The following DYM variants were observed in gnomAD, a reference collection of about 807,000 sequenced individuals.
DYM encodes the protein dymeclin.
In DYM, 78 loss-of-function variants were observed where a neutral mutation model predicts 93.1. The ratio of observed to expected loss-of-function variants is 0.84; its 90% CI spans 0.70 to 1.01. The LOEUF is 1.01. Among genes scored for constraint, DYM ranks in the 50% least tolerant of loss-of-function variants. The probability of loss-of-function intolerance (pLI) is 0.00; values close to 1 mark genes in which losing one functional copy is unlikely to be tolerated. For missense variants in DYM, 789 were observed against 845.0 expected (o/e 0.93, Z 0.82); for synonymous variants, 321 against 319.7 (o/e 1.00, Z -0.04).
intron 9 of DYM, among the ~76,000 whole-genome samples, chr18:49,284,053 G>A (rs1413026842): frequency 6.6e-6 from 1 of 152,072 alleles, no homozygotes. Context: ...AGATATTATG[G>A]AATCTACAGA....
intron 1 of DYM, among the ~76,000 whole-genome samples, chr18:49,441,317 TAATTATATATA>T (rs2081588800): frequency 6.2e-5 from 5 of 80,828 alleles, no homozygotes; most frequent in Non-Finnish European, 1.1e-4. Flanking sequence ...AATTAATATA[TAATTATATATA>T]ATATAATTAT....
intron 6 of DYM, among the ~76,000 whole-genome samples, chr18:49,348,087 T>G (rs1346010657): frequency 6.6e-6 from 1 of 152,132 alleles, no homozygotes; most frequent in Non-Finnish European, 1.5e-5. Context: ...GTGGAACACT[T>G]GGATAAAGAC....
At chr18:49,171,161 GA>G (rs1191842205) in intron 14 of DYM, among the ~76,000 whole-genome samples, 1 of 152,170 alleles carries the variant, frequency 6.6e-6, no homozygotes, top group Non-Finnish European at 1.5e-5. Flanking sequence ...AGGAAGTACA[GA>G]AAATAGGTGT....
At chr18:49,082,009 G>A (rs2078090886) in intron 17 of DYM, among the ~76,000 whole-genome samples, 1 of 152,214 alleles carries the variant, frequency 6.6e-6, no homozygotes, top group Non-Finnish European at 1.5e-5. Flanking sequence ...TCAGAGTTTT[G>A]GTTTCTAGCT....
chr18:49,457,467 A>G (rs2083081996), intron 1 of DYM, among the ~76,000 whole-genome samples: 1 of 152,222 alleles, frequency 6.6e-6, no homozygotes, highest in Non-Finnish European at 1.5e-5. Context: ...CATTTTACCA[A>G]AGCCTATACT....
At chr18:49,314,015 T>G (rs985197846) in intron 8 of DYM, among the ~76,000 whole-genome samples, 1 of 152,132 alleles carries the variant, frequency 6.6e-6, no homozygotes, top group African/African-American at 2.4e-5. Flanking sequence ...CCCAGCATTT[T>G]GGGAGGCCAA....
intron 14 of DYM, among the ~76,000 whole-genome samples, chr18:49,165,631 T>C (rs572271477): frequency 2.6e-5 from 4 of 152,228 alleles, no homozygotes; most frequent in Admixed American, 6.5e-5. Context: ...TTAGATGTTG[T>C]ACAAAACAAA....
chr18:49,400,650 T>C (rs2070707788), intron 2 of DYM, among the ~76,000 whole-genome samples: 1 of 152,200 alleles, frequency 6.6e-6, no homozygotes, highest in Admixed American at 6.5e-5. Flanking sequence ...AAGTGTTAGT[T>C]ATTTCTACAG....
chr18:49,195,355 A>C (rs1402654848), intron 14 of DYM, among the ~76,000 whole-genome samples: 21 of 152,366 alleles, frequency 1.4e-4, no homozygotes, highest in Admixed American at 1.2e-3. Context: ...AATCAAAGTA[A>C]TTAGGATAGC....
intron 14 of DYM, among the ~76,000 whole-genome samples, chr18:49,183,235 T>G (rs2090099566): frequency 6.6e-6 from 1 of 152,242 alleles, no homozygotes; most frequent in South Asian, 2.1e-4. Context: ...ACTAGTCTCT[T>G]ATTGTAGATT....
At chr18:49,440,213 T>A (rs1413301472) in intron 1 of DYM, among the ~76,000 whole-genome samples, 2 of 142,892 alleles carry the variant, frequency 1.4e-5, no homozygotes, top group Admixed American at 1.5e-4. Flanking sequence ...CAAATTCTGT[T>A]CTAACACCCT....
chr18:49,419,928 C>G (rs1349237474), intron 2 of DYM, among the ~76,000 whole-genome samples: 1 of 152,124 alleles, frequency 6.6e-6, no homozygotes, highest in Non-Finnish European at 1.5e-5. Context: ...GCCCTCTTTT[C>G]CTCTAAGTCG....
At chr18:49,108,077 T>A (rs187813262) in intron 16 of DYM, among the ~76,000 whole-genome samples, 1 of 144,922 alleles carries the variant, frequency 6.9e-6, no homozygotes, top group African/African-American at 2.9e-5. Context: ...CCTGGCCACT[T>A]TGTTTACCTA....
At chr18:49,300,159 A>C (rs2060825750) in intron 8 of DYM, among the ~76,000 whole-genome samples, 1 of 149,458 alleles carries the variant, frequency 6.7e-6, no homozygotes, top group South Asian at 2.1e-4. Flanking sequence ...ATAAAAATCA[A>C]GATTGAAGCC....
chr18:49,284,061 A>G (rs2095058077), intron 9 of DYM, among the ~76,000 whole-genome samples: 1 of 152,210 alleles, frequency 6.6e-6, no homozygotes, highest in Non-Finnish European at 1.5e-5. Flanking sequence ...TGGAATCTAC[A>G]GAATGTTCAC....
chr18:49,220,008 T>C (rs1458175442), intron 13 of DYM, among the ~76,000 whole-genome samples: 1,956 of 151,416 alleles, frequency 0.013, 39 homozygotes, highest in African/African-American at 0.044. Context: ...GAAAACCCCA[T>C]TGTCTCAGCC....
chr18:49,456,820 G>GA (rs1005877200), intron 1 of DYM, among the ~76,000 whole-genome samples: 7 of 150,864 alleles, frequency 4.6e-5, no homozygotes, highest in African/African-American at 1.2e-4. Flanking sequence ...AACCTTACTA[G>GA]AAAAAAAAAT....
At chr18:49,141,681 G>T (rs1031612677) in intron 15 of DYM, among the ~76,000 whole-genome samples, 5 of 152,016 alleles carry the variant, frequency 3.3e-5, no homozygotes, top group Non-Finnish European at 5.9e-5. Flanking sequence ...TCTAAAACAG[G>T]ATTCTTGCGA....
rs554180059 is a variant in DYM at position 49,144,583 on chromosome 18, T to C, written c.1728+19102A>G. On this transcript the variant is annotated intron_variant, in intron 15 of 17. Transcript: ENST00000675505. The stretch of plus-strand genomic sequence containing the variant: ...AGGACAAATCCCCAGTTCCTTTTAG[T>C]AGAAATCTGGTTGTTACAGATGCTC... Among the ~76,000 whole-genome samples, 4 of 152,344 alleles carry C rather than the reference T, an allele frequency of 2.6e-5. No individual in the cohort carries two copies. In the South Asian group the frequency reaches 6.2e-4, roughly 24 times the overall value.
Sources: gnomAD v4.1 joint callset for allele counts (sites outside exome capture counted in the v4.1 genomes callset) on GRCh38, gnomAD v4.1.1 for gene constraint, MANE v1.5 for transcripts, NCBI Gene and HGNC (gene_info 2026-07-23, HGNC 2026-07-21) for gene names.